PNPLA8: variants seen among roughly 807,000 people sequenced by gnomAD.
PNPLA8 encodes the protein patatin like domain 8, phospholipase A2.
In PNPLA8, 39 loss-of-function variants were observed where a neutral mutation model predicts 76.9. That is an observed-to-expected ratio of 0.51 (90% CI 0.39 to 0.66). PNPLA8 has a LOEUF of 0.66. Ranked by LOEUF, PNPLA8 falls within the 30% of genes least tolerant of loss-of-function variation. PNPLA8 has a pLI of 0.00. For synonymous variants in PNPLA8, 301 were observed against 307.9 expected, an observed-to-expected ratio of 0.98 and a Z score of 0.24; for missense variants, 887 against 918.0, an observed-to-expected ratio of 0.97 and a Z score of 0.44.
intron 4 of PNPLA8, chr7:108,510,653 T>C: frequency 2.5e-6 from 4 of 1,589,662 alleles, no homozygotes; most frequent in East Asian, 2.2e-5. Flanking sequence ...ATATATTGCA[T>C]GGGGGTACCC....
At chr7:108,487,370 AC>A (rs1472108460) in intron 9 of PNPLA8, among the ~76,000 whole-genome samples, 3 of 152,220 alleles carry the variant, frequency 2.0e-5, no homozygotes, top group Non-Finnish European at 4.4e-5. Context: ...CTATTATTTT[AC>A]TGTATCCCTT....
intron 7 of PNPLA8, among the ~76,000 whole-genome samples, chr7:108,491,733 T>C (rs1385659829): frequency 6.6e-6 from 1 of 152,222 alleles, no homozygotes; most frequent in Non-Finnish European, 1.5e-5. Context: ...CTGGAAAAGA[T>C]GCAGGAAGGT....
chr7:108,524,397 TAAAGGAAACA>T (rs931106810), intron 1 of PNPLA8, among the ~76,000 whole-genome samples: 21 of 151,948 alleles, frequency 1.4e-4, no homozygotes, highest in African/African-American at 5.1e-4. Flanking sequence ...GAAAAGACTC[TAAAGGAAACA>T]AAACAGGAGA....
Position 108,523,826 on chromosome 7 carries a change from T to C in PNPLA8, c.-130+2203A>G, listed in dbSNP as rs1348675058. On this transcript the variant is annotated intron_variant, in intron 1 of 10. Coordinates refer to ENST00000257694, the MANE Select transcript of PNPLA8 (RefSeq NM_001256007.3). Reference sequence around the variant, plus strand: ...ACACCTCACCCAGCAAGTACTAGTGTGGGGAAGAGGGCCACTCTGAACACT... The same window carrying C: ...ACACCTCACCCAGCAAGTACTAGTGCGGGGAAGAGGGCCACTCTGAACACT... Among the ~76,000 whole-genome samples, 6 of 151,892 alleles carry C rather than the reference T, an allele frequency of 4.0e-5. No individual in the cohort carries two copies. The East Asian group carries it at 7.7e-4, about 20-fold the overall frequency.
intron 7 of PNPLA8, among the ~76,000 whole-genome samples, chr7:108,493,567 G>GATTTTTTTTTTT (rs1563951361): frequency 4.7e-5 from 5 of 105,648 alleles, no homozygotes; most frequent in African/African-American, 1.8e-4. Flanking sequence ...CCCATGCCTG[G>GATTTTTTTTTTT]CTTTTTTTTT....
At chr7:108,513,443 C>T (rs1231260880) in intron 4 of PNPLA8, among the ~76,000 whole-genome samples, 2 of 151,952 alleles carry the variant, frequency 1.3e-5, no homozygotes, top group Admixed American at 6.6e-5. Flanking sequence ...TAAGTTAAAA[C>T]AATTTTCTGA....
At chr7:108,526,807 ACAGCCCTCAGGGCAAATC>A (rs1423465818), upstream of PNPLA8, among the ~76,000 whole-genome samples, 1 of 152,242 alleles carries the variant, frequency 6.6e-6, no homozygotes, top group Admixed American at 6.5e-5. Flanking sequence ...GGGGCAAACT[ACAGCCCTCAGGGCAAATC>A]CAGCCCACCG....
At chr7:108,524,653 G>A (rs1013052461) in intron 1 of PNPLA8, among the ~76,000 whole-genome samples, 3 of 152,058 alleles carry the variant, frequency 2.0e-5, no homozygotes, top group African/African-American at 7.2e-5. Flanking sequence ...GGGGAAACCC[G>A]TCTCTACTTA....
chr7:108,505,487 C>T (rs1862352935), intron 4 of PNPLA8, among the ~76,000 whole-genome samples: 1 of 149,066 alleles, frequency 6.7e-6, no homozygotes, highest in African/African-American at 2.5e-5. Context: ...CTCAGCCTCC[C>T]AAGTAGCTGG....
rs1210712119 is a variant in PNPLA8 at position 108,470,642 on chromosome 7, G to GT, written c.*1758dup. The GT allele has an allele frequency of 2.6e-5, 4 of 151,776 alleles. No individual in the cohort carries two copies. Among genetic ancestry groups the GT allele is most frequent in the South Asian group, 2.1e-4 (1 of 4,826 alleles). 9.4% of individuals were successfully genotyped at this position (151,776 alleles called of 1,614,324 possible). On this transcript the variant is annotated 3_prime_UTR_variant, in exon 11 of 11. Coordinates refer to ENST00000257694, the MANE Select transcript of PNPLA8 (RefSeq NM_001256007.3). ...GAAATATTCTGATTTCCAATTATTTGTTTTTTTCTTGCATTTACAAGTTGT... is the reference window on the plus strand; with the variant it reads ...GAAATATTCTGATTTCCAATTATTTGTTTTTTTTCTTGCATTTACAAGTTGT...
chr7:108,523,313 G>T (rs1203713357), intron 1 of PNPLA8, among the ~76,000 whole-genome samples: 1 of 152,188 alleles, frequency 6.6e-6, no homozygotes. Context: ...GTACTGAGGA[G>T]AGCAAAGATC....
intron 2 of PNPLA8, among the ~76,000 whole-genome samples, chr7:108,519,009 A>G (rs765153501): frequency 1.3e-5 from 2 of 151,496 alleles, no homozygotes; most frequent in Non-Finnish European, 2.9e-5. Flanking sequence ...TATTTAAAGG[A>G]CTGTAACAGA....
chr7:108,497,351 G>A, intron 6 of PNPLA8, 132 bp downstream of exon 6: 1 of 557,312 alleles, frequency 1.8e-6, no homozygotes, highest in Non-Finnish European at 3.1e-6. Context: ...AGACAAAAAA[G>A]GAAGTACAAA....
rs188360465 is a variant in PNPLA8, at chr7:108,491,873, T to G, written c.1626-406A>C. ...TGCCAATAGGATAAAGGAGCTGTGT[T>G]GAGATAAGACTGCAGAAGTATGCAC... is the stretch of plus-strand genomic sequence containing the variant. On this transcript the variant is annotated intron_variant, in intron 7 of 10. Coordinates refer to ENST00000257694, the MANE Select transcript of PNPLA8 (RefSeq NM_001256007.3). Among the ~76,000 whole-genome samples, 28 of 152,318 alleles carry G rather than the reference T, an allele frequency of 1.8e-4. No individual in the cohort carries two copies. The East Asian group carries it at 5.0e-3, about 27-fold the overall frequency.
chr7:108,513,225 A>G (rs930927311), intron 4 of PNPLA8, among the ~76,000 whole-genome samples: 5 of 152,326 alleles, frequency 3.3e-5, no homozygotes, highest in African/African-American at 1.2e-4. Flanking sequence ...AATGTGAAAT[A>G]TACTTAAAAG....
intron 5 of PNPLA8, among the ~76,000 whole-genome samples, chr7:108,498,292 AGTCTCACTCT>A (rs1161629786): frequency 1.3e-5 from 2 of 150,876 alleles, no homozygotes; most frequent in Non-Finnish European, 3.0e-5. Flanking sequence ...TTTGAGATGG[AGTCTCACTCT>A]GTTGCCCAGG....
intron 2 of PNPLA8, among the ~76,000 whole-genome samples, chr7:108,520,893 G>C (rs1367337247): frequency 6.6e-6 from 1 of 151,772 alleles, no homozygotes; most frequent in Non-Finnish European, 1.5e-5. Flanking sequence ...CCTTTATCTG[G>C]CAATTTAAAA....
At position 108,491,485 on chromosome 7, in the gene PNPLA8, A is replaced by C. The variant is rs1255238407; in HGVS notation, c.1626-18T>G. 2.7e-6 allele frequency: 4 copies of C among 1,508,678 alleles called. No homozygotes were observed. Among genetic ancestry groups the C allele is most frequent in the African/African-American group, 1.4e-5 (1 of 72,906 alleles). The allele number at this position is 1,508,678 out of a possible 1,614,324, so 93.5% of individuals were successfully genotyped here. A position where few individuals can be genotyped will look rare whatever the true frequency, so the allele number is the denominator to read the frequency against. ...TCCTATCCCTTTATTAAAGGAGAAA[A>C]AAATAAGTTATATCAAAATGACTTT... On this transcript the variant is annotated intron_variant, in intron 7 of 10. Transcript: ENST00000257694.
chr7:108,473,071 T>C (rs1859738387), intron 10 of PNPLA8, among the ~76,000 whole-genome samples: 1 of 152,212 alleles, frequency 6.6e-6, no homozygotes, highest in African/African-American at 2.4e-5. Context: ...TATACACTTG[T>C]GTAAGCACAA....
Sources: gnomAD v4.1 joint callset for allele counts (sites outside exome capture counted in the v4.1 genomes callset) on GRCh38, gnomAD v4.1.1 for gene constraint, MANE v1.5 for transcripts, NCBI Gene and HGNC (gene_info 2026-07-23, HGNC 2026-07-21) for gene names.